The following NINJ2 variants were observed in gnomAD, a reference collection of about 807,000 sequenced individuals.
NINJ2 encodes ninjurin 2, also known as ninjurin-2.
In NINJ2, 12 loss-of-function variants were observed where a neutral mutation model predicts 11.7. The observed-to-expected ratio is 1.02, with a 90% CI of 0.66 to 1.66. The LOEUF is 1.66. Among genes scored for constraint, NINJ2 ranks in the 40% most tolerant of loss-of-function variants. The pLI is 0.00. For missense variants in NINJ2, 187 were observed against 181.8 expected, an observed-to-expected ratio of 1.03 and a Z score of -0.16; for synonymous variants, 93 against 76.8, an observed-to-expected ratio of 1.21 and a Z score of -1.10.
intron 1 of NINJ2, among the ~76,000 whole-genome samples, chr12:603,841 A>G (rs751985316): frequency 6.6e-6 from 1 of 151,840 alleles, no homozygotes; most frequent in Admixed American, 6.6e-5. Flanking sequence ...TTGTATTTTT[A>G]ATAGAGACGG....
intron 1 of NINJ2, among the ~76,000 whole-genome samples, chr12:575,930 G>C (rs113302342): frequency 0.012 from 1,868 of 152,184 alleles, 42 homozygotes; most frequent in African/African-American, 0.043. Context: ...TGAATGACTG[G>C]GGCTGGAAGC....
chr12:642,325 A>G (rs1948428799), intron 1 of NINJ2, among the ~76,000 whole-genome samples: 1 of 152,174 alleles, frequency 6.6e-6, no homozygotes, highest in Admixed American at 6.5e-5. Flanking sequence ...CCGCCTCCCG[A>G]GTTCAAGCGA....
At chr12:653,822 G>A (rs1457300071) in intron 1 of NINJ2, among the ~76,000 whole-genome samples, 1 of 152,160 alleles carries the variant, frequency 6.6e-6, no homozygotes, top group Non-Finnish European at 1.5e-5. Flanking sequence ...GTGCATAATT[G>A]AAAGGCAGAA....
intron 1 of NINJ2, among the ~76,000 whole-genome samples, chr12:618,454 G>A (rs78592292): frequency 0.14 from 20,221 of 147,984 alleles, 1,993 homozygotes; most frequent in South Asian, 0.25. Flanking sequence ...GCCCAGAGGC[G>A]TTTTAGGACT....
At chr12:636,565 A>G (rs1948354608) in intron 1 of NINJ2, among the ~76,000 whole-genome samples, 1 of 152,164 alleles carries the variant, frequency 6.6e-6, no homozygotes. Context: ...AAAAAGGAGA[A>G]GGAACTAGGG....
chr12:595,167 C>T (rs752467286), intron 1 of NINJ2, among the ~76,000 whole-genome samples: 1 of 151,974 alleles, frequency 6.6e-6, no homozygotes, highest in Non-Finnish European at 1.5e-5. Context: ...AGACACAGAC[C>T]TACACGCTTC....
intron 1 of NINJ2, among the ~76,000 whole-genome samples, chr12:609,488 C>CACCGGGCGCGGTG (rs1195831426): frequency 6.6e-6 from 1 of 152,052 alleles, no homozygotes; most frequent in Non-Finnish European, 1.5e-5. Context: ...ATAGGGGAAA[C>CACCGGGCGCGGTG]ACCGGGCGCG....
intron 1 of NINJ2, among the ~76,000 whole-genome samples, chr12:646,279 C>G (rs921684657): frequency 3.9e-5 from 6 of 152,316 alleles, no homozygotes; most frequent in African/African-American, 1.4e-4. Flanking sequence ...AGCGAAATCT[C>G]AGCTTTTACA....
At chr12:584,241 G>A (rs61919374) in intron 1 of NINJ2, among the ~76,000 whole-genome samples, 12 of 152,198 alleles carry the variant, frequency 7.9e-5, no homozygotes, top group Non-Finnish European at 1.0e-4. Flanking sequence ...ACAGGGATGG[G>A]GAGAGAATCG....
chr12:577,448 T>TATATACATATATATATGTATA, intron 1 of NINJ2, among the ~76,000 whole-genome samples: 1 of 141,990 alleles, frequency 7.0e-6, no homozygotes, highest in East Asian at 2.0e-4. Context: ...TATATAAATA[T>TATATACATATATATATGTATA]TTTGGCACGA....
At chr12:599,761 G>A (rs557205124) in intron 1 of NINJ2, among the ~76,000 whole-genome samples, 1 of 152,302 alleles carries the variant, frequency 6.6e-6, no homozygotes, top group East Asian at 1.9e-4. Context: ...ACTGCGCTTG[G>A]CCTACTGCCT....
intron 1 of NINJ2, among the ~76,000 whole-genome samples, chr12:567,716 C>T (rs756552675): frequency 6.6e-6 from 1 of 152,106 alleles, no homozygotes; most frequent in East Asian, 1.9e-4. Flanking sequence ...TAGGATACCC[C>T]GAAATGAGGC....
At chr12:565,860 C>G in intron 2 of NINJ2, 90 bp downstream of exon 2, 1 of 1,130,740 alleles carries the variant, frequency 8.8e-7, no homozygotes, top group Non-Finnish European at 1.3e-6. Flanking sequence ...CTGCCTGTGC[C>G]AATGCAGGGT....
Position 566,251 on chromosome 12 carries a change from G to C in NINJ2, c.34-73C>G, listed in dbSNP as rs1051399428. ...AGCAGTTGAGAGGTGGGAGAGAGGAGAGAGGTTTTAAAGCTCTTTCCAATC... is the reference window on the plus strand; with the variant it reads ...AGCAGTTGAGAGGTGGGAGAGAGGACAGAGGTTTTAAAGCTCTTTCCAATC... On this transcript the variant is annotated intron_variant, in intron 1 of 3. Transcript: ENST00000305108. The C allele has an allele frequency of 8.6e-6, 11 of 1,279,528 alleles. No homozygotes were observed. The African/African-American group carries it at 1.6e-4, about 19-fold the overall frequency. 79.3% of individuals were successfully genotyped at this position (1,279,528 alleles called of 1,614,324 possible).
In NINJ2 at chr12:597,706, G is replaced by A. The variant is rs79116548; in HGVS notation, c.34-31528C>T. Among the ~76,000 whole-genome samples the A allele has an allele frequency of 6.5e-3, 996 of 152,346 alleles. 5 individuals carry two copies. The highest frequency in any genetic ancestry group is 0.023 in the African/African-American group (950 of 41,580). On this transcript the variant is annotated intron_variant, in intron 1 of 3. Coordinates refer to ENST00000305108, the MANE Select transcript of NINJ2 (RefSeq NM_016533.6). ...CCATTGGCCAAGAACATTTCATGGAGGAGATAGAATCTCAGAAGCTGAAGA... is the reference window on the plus strand; with the variant it reads ...CCATTGGCCAAGAACATTTCATGGAAGAGATAGAATCTCAGAAGCTGAAGA...
chr12:617,381 G>A (rs1948105525), intron 1 of NINJ2, among the ~76,000 whole-genome samples: 1 of 152,264 alleles, frequency 6.6e-6, no homozygotes. Context: ...AGCCCTGGCC[G>A]CGTGCTGAGA....
At chr12:572,263 G>A (rs1054593179) in intron 1 of NINJ2, among the ~76,000 whole-genome samples, 3 of 152,182 alleles carry the variant, frequency 2.0e-5, no homozygotes, top group Non-Finnish European at 4.4e-5. Flanking sequence ...CCCATGAGTC[G>A]TTCCTGCCAG....
rs569184159 is a variant in NINJ2, at chr12:588,495, G to A, written c.34-22317C>T. 2.4e-4 allele frequency among the ~76,000 whole-genome samples: 37 copies of A among 152,248 alleles called. No homozygotes were observed. In the South Asian group the frequency reaches 7.7e-3, roughly 32 times the overall value. On this transcript the variant is annotated intron_variant, in intron 1 of 3. Coordinates refer to ENST00000305108, the MANE Select transcript of NINJ2 (RefSeq NM_016533.6). ...CAGAACACTTTATATATCTGAAGTC[G>A]TGTCATTCTCATAACAATCCCTGGG... is the stretch of plus-strand genomic sequence containing the variant.
At chr12:625,771 A>G (rs1379839702) in intron 1 of NINJ2, among the ~76,000 whole-genome samples, 1 of 152,244 alleles carries the variant, frequency 6.6e-6, no homozygotes, top group Non-Finnish European at 1.5e-5. Context: ...TAAAGATTAA[A>G]TGAGATAGAG....
Sources: allele counts gnomAD v4.1 joint callset (sites outside exome capture counted in the v4.1 genomes callset), GRCh38; gene constraint gnomAD v4.1.1; transcripts MANE v1.5; gene names NCBI Gene and HGNC (gene_info 2026-07-23, HGNC 2026-07-21).